AMBRA1: variants seen among roughly 807,000 people sequenced by gnomAD.
The protein encoded by AMBRA1 is autophagy and beclin 1 regulator 1, also known as activating molecule in BECN1-regulated autophagy protein 1.
AMBRA1 carries 47 observed loss-of-function variants against 125.4 expected under a neutral mutation model. The observed-to-expected ratio is 0.37, with a 90% confidence interval of 0.30 to 0.48. The LOEUF (loss-of-function observed/expected upper bound fraction) is 0.48. Ranked by LOEUF, AMBRA1 falls within the 20% of genes least tolerant of loss-of-function variation. The probability of loss-of-function intolerance (pLI) is 0.99; values close to 1 mark genes in which losing one functional copy is unlikely to be tolerated. For synonymous variants in AMBRA1, 626 were observed against 655.5 expected, an observed-to-expected ratio of 0.95 and a Z score of 0.69; for missense variants, 1,331 against 1,693.4, an observed-to-expected ratio of 0.79 and a Z score of 3.76.
At chr11:46,512,357 T>C (rs1951291287) in intron 8 of AMBRA1, among the ~76,000 whole-genome samples, 1 of 152,224 alleles carries the variant, frequency 6.6e-6, no homozygotes, top group Non-Finnish European at 1.5e-5. Flanking sequence ...AATCTATACA[T>C]AATTTCCCTA....
At position 46,543,055 on chromosome 11, in the gene AMBRA1, G is replaced by T. The variant is rs1361579720; in HGVS notation, c.962C>A (p.Ser321Tyr). 3.8e-6 allele frequency: 6 copies of T among 1,598,626 alleles called. No individual in the cohort carries two copies. The highest frequency in any genetic ancestry group is 5.1e-6 in the Non-Finnish European group (6 of 1,179,582). ...GACACTGTCCTGGTGTGGCAAGAGGGAAGGAACTCGAGTGCCAGAGCAGCG... is the reference window on the plus strand; with the variant it reads ...GACACTGTCCTGGTGTGGCAAGAGGTAAGGAACTCGAGTGCCAGAGCAGCG... ...CSRCSGTRVP[S>Y]LLPHQDSVPP... The change falls in exon 7 of 18, where the codon TCC becomes TAC. Residue 321 changes from serine to tyrosine, a missense_variant. Transcript: ENST00000683756.
At chr11:46,558,951 T>C (rs771632265) in intron 1 of AMBRA1, among the ~76,000 whole-genome samples, 84 of 152,180 alleles carry the variant, frequency 5.5e-4, no homozygotes, top group Non-Finnish European at 1.0e-3. Flanking sequence ...TTAAAAAGTG[T>C]GGTGGTTATG....
At chr11:46,550,088 G>C (rs2042946088) in intron 1 of AMBRA1, among the ~76,000 whole-genome samples, 1 of 152,098 alleles carries the variant, frequency 6.6e-6, no homozygotes, top group South Asian at 2.1e-4. Context: ...CAAAGTGCTG[G>C]GATTACAGGT....
intron 9 of AMBRA1, among the ~76,000 whole-genome samples, chr11:46,504,080 T>C (rs1950942957): frequency 6.6e-6 from 1 of 152,218 alleles, no homozygotes; most frequent in African/African-American, 2.4e-5. Flanking sequence ...TGATCTAATC[T>C]GAAGCTTCTC....
chr11:46,421,337 A>G (rs1946843052), intron 14 of AMBRA1, among the ~76,000 whole-genome samples: 1 of 152,244 alleles, frequency 6.6e-6, no homozygotes, highest in Non-Finnish European at 1.5e-5. Flanking sequence ...TCTCAAGTGC[A>G]CATCTCTTCC....
At chr11:46,474,641 G>A (rs1949741107) in intron 11 of AMBRA1, among the ~76,000 whole-genome samples, 1 of 152,122 alleles carries the variant, frequency 6.6e-6, no homozygotes, top group Non-Finnish European at 1.5e-5. Context: ...ACCCACCTCG[G>A]CCTCCCAAAG....
intron 8 of AMBRA1, among the ~76,000 whole-genome samples, chr11:46,509,537 G>A (rs940951501): frequency 6.6e-6 from 1 of 152,034 alleles, no homozygotes; most frequent in African/African-American, 2.4e-5. Context: ...GTGAAAAACT[G>A]GGAAGCAACC....
At chr11:46,497,079 C>T (rs1031964841) in intron 9 of AMBRA1, among the ~76,000 whole-genome samples, 2 of 151,468 alleles carry the variant, frequency 1.3e-5, no homozygotes, top group Non-Finnish European at 2.9e-5. Flanking sequence ...CCACTGCATT[C>T]CAGCCTGGGT....
chr11:46,482,530 A>G (rs1950110646), intron 11 of AMBRA1, among the ~76,000 whole-genome samples: 1 of 152,222 alleles, frequency 6.6e-6, no homozygotes, highest in Admixed American at 6.5e-5. Flanking sequence ...GTGAAAATAA[A>G]TGTCCCTCAC....
At chr11:46,547,351 C>A in intron 3 of AMBRA1, 55 bp from the exon 4 acceptor site, 2 of 1,491,072 alleles carry the variant, frequency 1.3e-6, no homozygotes, top group African/African-American at 1.4e-5. Context: ...GGTAACCAAT[C>A]TTATCAACTT....
At chr11:46,429,189 C>G (rs1384187367) in intron 14 of AMBRA1, 2 of 1,489,744 alleles carry the variant, frequency 1.3e-6, no homozygotes, top group Non-Finnish European at 1.8e-6. Context: ...CATCCTCCCC[C>G]TCTCCCTCGG....
chr11:46,492,098 C>T (rs1258996374), intron 11 of AMBRA1, among the ~76,000 whole-genome samples: 1 of 152,172 alleles, frequency 6.6e-6, no homozygotes, highest in Non-Finnish European at 1.5e-5. Context: ...TTAAGCCACA[C>T]AGAAGTGCCA....
intron 11 of AMBRA1, among the ~76,000 whole-genome samples, chr11:46,444,060 T>C (rs969440124): frequency 3.9e-5 from 6 of 152,228 alleles, no homozygotes; most frequent in African/African-American, 1.4e-4. Context: ...CCTTTATCAC[T>C]TTCTTCCTAA....
At chr11:46,407,743 G>T (rs981327223) in intron 17 of AMBRA1, among the ~76,000 whole-genome samples, 1 of 152,198 alleles carries the variant, frequency 6.6e-6, no homozygotes, top group Non-Finnish European at 1.5e-5. Flanking sequence ...GACGTGCACC[G>T]TGGCTTTTCC....
At chr11:46,520,935 C>T (rs1951736516) in intron 7 of AMBRA1, among the ~76,000 whole-genome samples, 1 of 152,094 alleles carries the variant, frequency 6.6e-6, no homozygotes, top group Non-Finnish European at 1.5e-5. Context: ...TCTTAAGAGG[C>T]CTTCTCAAGT....
rs532097054 is a variant in AMBRA1, at chr11:46,491,505, T to G, written c.2521+2103A>C. The G allele has an allele frequency of 3.3e-5, 5 of 152,358 alleles. No individual in the cohort carries two copies. In the South Asian group the frequency reaches 1.0e-3, roughly 32 times the overall value. 9.4% of individuals were successfully genotyped at this position (152,358 alleles called of 1,614,324 possible). On this transcript the variant is annotated intron_variant, in intron 11 of 17. Transcript: ENST00000683756. ...GCTTTTGTTGCTATATTATTATTAT[T>G]GGAATTTTCTCAAGAGAAGAAAACA...
At chr11:46,521,746 C>A (rs926852887) in intron 7 of AMBRA1, among the ~76,000 whole-genome samples, 1 of 152,182 alleles carries the variant, frequency 6.6e-6, no homozygotes, top group African/African-American at 2.4e-5. Context: ...TTGAGGGGTG[C>A]ACTTAAAGCA....
chr11:46,570,288 A>T (rs927162598), intron 1 of AMBRA1, among the ~76,000 whole-genome samples: 1 of 150,218 alleles, frequency 6.7e-6, no homozygotes, highest in African/African-American at 2.4e-5. Context: ...AAAAAAAAAA[A>T]GCAAGGTCTT....
Position 46,397,525 on chromosome 11 carries a change from A to T in AMBRA1, c.3822T>A (p.Asn1274Lys). The T allele has an allele frequency of 6.5e-7, 1 of 1,539,484 alleles. No individual in the cohort carries two copies. The highest frequency in any genetic ancestry group is 2.3e-5 in the East Asian group (1 of 44,100). Residue 1274 changes from asparagine (N) to lysine (K), a missense_variant, in exon 18 of 18, where the codon AAT becomes AAA. By Grantham distance (94) the Asn-to-Lys change is moderately conservative. Around this residue, in one of 4 missense-constraint regions of AMBRA1, gnomAD observed 144 missense variants for 133.9 expected, o/e 1.08. Transcript: ENST00000683756. ...EGPTLHCELT[N>K]NNHLLDGGSS... ...TGCCACCATCCAGAAGGTGGTTGTT[A>T]TTGGTCAACTCGCAGTGGAGGGTTG...
Sources: gnomAD v4.1 joint callset for allele counts (sites outside exome capture counted in the v4.1 genomes callset) on GRCh38, gnomAD v4.1.1 for gene constraint, gnomAD v4.1.1 regional missense constraint, MANE v1.5 for transcripts, NCBI Gene and HGNC (gene_info 2026-07-23, HGNC 2026-07-21) for gene names.